Variants in RAD51B observed in about 807,000 individuals in gnomAD.
RAD51B encodes the protein DNA repair protein RAD51 homolog 2.
RAD51B carries 38 observed loss-of-function variants against 42.2 expected under a neutral mutation model. That is an observed-to-expected ratio of 0.90 (90% CI 0.70 to 1.18). The LOEUF is 1.18. Among genes scored for constraint, RAD51B ranks in the 50% most tolerant of loss-of-function variants. RAD51B has a pLI of 0.00. For synonymous variants in RAD51B, 154 were observed against 145.2 expected (o/e 1.06, Z -0.43); for missense variants, 373 against 400.7 (o/e 0.93, Z 0.59).
At chr14:68,542,067 T>C (rs1054227422) in intron 10 of RAD51B, among the ~76,000 whole-genome samples, 2 of 152,216 alleles carry the variant, frequency 1.3e-5, no homozygotes, top group Non-Finnish European at 2.9e-5. Flanking sequence ...AAGTAATTTT[T>C]TTAAAGGCTG....
At chr14:68,286,411 G>A (rs2081415490) in intron 7 of RAD51B, among the ~76,000 whole-genome samples, 2 of 152,202 alleles carry the variant, frequency 1.3e-5, no homozygotes, top group Non-Finnish European at 2.9e-5. Context: ...TATCTCTTCT[G>A]CTGACCAAAC....
chr14:68,622,723 C>CAAA (rs34816047), intron 10 of RAD51B, among the ~76,000 whole-genome samples: 1,635 of 115,378 alleles, frequency 0.014, 38 homozygotes, highest in Admixed American at 0.051. Context: ...TATCCATTTA[C>CAAA]AAAAAAAAAA....
intron 5 of RAD51B, among the ~76,000 whole-genome samples, chr14:67,873,621 A>G (rs1348060280): frequency 1.3e-5 from 2 of 151,892 alleles, no homozygotes; most frequent in African/African-American, 4.8e-5. Context: ...TCATGCTGCT[A>G]TAAAGACACA....
At chr14:68,096,058 C>T (rs2077189432) in intron 7 of RAD51B, among the ~76,000 whole-genome samples, 1 of 151,432 alleles carries the variant, frequency 6.6e-6, no homozygotes, top group African/African-American at 2.4e-5. Context: ...GTAGCAGAAC[C>T]AGAATGTGAA....
intron 8 of RAD51B, among the ~76,000 whole-genome samples, chr14:68,406,293 C>G (rs1271526567): frequency 6.6e-6 from 1 of 152,154 alleles, no homozygotes; most frequent in African/African-American, 2.4e-5. Context: ...AATGTATTTA[C>G]ACAAACTGAG....
chr14:68,138,528 A>C (rs1254662363), intron 7 of RAD51B, among the ~76,000 whole-genome samples: 1 of 152,116 alleles, frequency 6.6e-6, no homozygotes, highest in Non-Finnish European at 1.5e-5. Flanking sequence ...CTTGGGTTTT[A>C]AGCATTTTGG....
intron 7 of RAD51B, among the ~76,000 whole-genome samples, chr14:68,278,007 T>C: frequency 6.6e-6 from 1 of 152,218 alleles, no homozygotes; most frequent in Non-Finnish European, 1.5e-5. Flanking sequence ...CCTCCCAAAA[T>C]GTTGGGATTA....
At chr14:68,380,849 C>T (rs922149359) in intron 8 of RAD51B, among the ~76,000 whole-genome samples, 1 of 152,140 alleles carries the variant, frequency 6.6e-6, no homozygotes, top group African/African-American at 2.4e-5. Context: ...TTGTGTACAC[C>T]CACATAAGGC....
At chr14:68,486,153 C>A (rs1883604839) in intron 10 of RAD51B, among the ~76,000 whole-genome samples, 1 of 152,114 alleles carries the variant, frequency 6.6e-6, no homozygotes, top group African/African-American at 2.4e-5. Context: ...GTTTCCTTGC[C>A]CTTTCTTGAA....
intron 7 of RAD51B, among the ~76,000 whole-genome samples, chr14:67,901,547 T>G (rs1566949515): frequency 1.3e-5 from 2 of 152,174 alleles, no homozygotes; most frequent in East Asian, 3.9e-4. Flanking sequence ...CCTCTCCTTA[T>G]GCTTTTCTCT....
intron 10 of RAD51B, chr14:68,497,077 A>G (rs762650251): frequency 1.5e-6 from 2 of 1,343,896 alleles, no homozygotes; most frequent in Admixed American, 4.4e-5. Flanking sequence ...AGCCTTCAAC[A>G]TCTTTTTCTA....
At chr14:68,570,569 C>T (rs1325478363) in intron 10 of RAD51B, among the ~76,000 whole-genome samples, 2 of 152,204 alleles carry the variant, frequency 1.3e-5, no homozygotes, top group Admixed American at 1.3e-4. Context: ...GTCCTATCAT[C>T]AGGGAGTCTA....
At chr14:68,639,851 G>T (rs753801144) in intron 10 of RAD51B, among the ~76,000 whole-genome samples, 1 of 151,992 alleles carries the variant, frequency 6.6e-6, no homozygotes, top group Admixed American at 6.6e-5. Context: ...GTGCAGTGGC[G>T]CAATCTCGGC....
intron 7 of RAD51B, among the ~76,000 whole-genome samples, chr14:68,275,977 G>A (rs1395348816): frequency 6.6e-6 from 1 of 152,162 alleles, no homozygotes; most frequent in East Asian, 1.9e-4. Flanking sequence ...GTTGGATCAT[G>A]CAGACATGAG....
chr14:68,638,236 G>A (rs1305884669), intron 10 of RAD51B, among the ~76,000 whole-genome samples: 1 of 152,200 alleles, frequency 6.6e-6, no homozygotes, highest in Non-Finnish European at 1.5e-5. Flanking sequence ...TGAGACTGGG[G>A]GACTGGAGGA....
intron 8 of RAD51B, among the ~76,000 whole-genome samples, chr14:68,401,085 C>A (rs2084091617): frequency 6.6e-6 from 1 of 152,128 alleles, no homozygotes. Flanking sequence ...ATCTTTGAGA[C>A]CTTGATGATC....
chr14:68,046,992 T>C (rs565543550), intron 7 of RAD51B, among the ~76,000 whole-genome samples: 1 of 151,656 alleles, frequency 6.6e-6, no homozygotes, highest in African/African-American at 2.4e-5. Flanking sequence ...ACATTTCCTA[T>C]GTTCCCACAA....
chr14:67,837,457 C>G (rs2140302314), intron 4 of RAD51B, among the ~76,000 whole-genome samples: 1 of 152,168 alleles, frequency 6.6e-6, no homozygotes, highest in Middle Eastern at 3.4e-3. Context: ...AAGTTACAAG[C>G]CTTTTAGGTG....
intron 7 of RAD51B, among the ~76,000 whole-genome samples, chr14:67,895,221 T>A (rs574827915): frequency 6.6e-6 from 1 of 152,358 alleles, no homozygotes; most frequent in Admixed American, 6.5e-5. Flanking sequence ...GTCTTTAGCG[T>A]TACTTTACGT....
Sources: gnomAD v4.1 joint callset for allele counts (sites outside exome capture counted in the v4.1 genomes callset) on GRCh38, gnomAD v4.1.1 for gene constraint, MANE v1.5 for transcripts, NCBI Gene and HGNC (gene_info 2026-07-23, HGNC 2026-07-21) for gene names.